Variants in PSMD3 observed in about 807,000 individuals in gnomAD.
PSMD3 encodes proteasome 26S subunit, non-ATPase 3.
Under a neutral mutation model 62.8 loss-of-function variants are expected in PSMD3, and 5 were observed. That is an observed-to-expected ratio of 0.08 (90% confidence interval 0.04 to 0.17). The LOEUF is 0.17. PSMD3 is among the 10% of genes least tolerant of loss of function. The pLI is 1.00. For missense variants in PSMD3, 524 were observed against 713.6 expected (o/e 0.73, Z 3.03); for synonymous variants, 265 against 283.9 (o/e 0.93, Z 0.67).
chr17:39,980,998 C>T lies in PSMD3; in HGVS notation c.28C>T (p.Arg10Cys). 6.5e-7 allele frequency: 1 copy of T among 1,547,798 alleles called. No individual in the cohort carries two copies. Among genetic ancestry groups the T allele is most frequent in the African/African-American group, 1.4e-5 (1 of 73,224 alleles). MKQEGSARR[R>C]GADKAKPPPG... is the part of the protein sequence containing the mutation. ...GAAGCAGGAGGGCTCGGCGCGGCGCCGCGGCGCGGACAAGGCGAAACCGCC... is the reference window on the plus strand; with the variant it reads ...GAAGCAGGAGGGCTCGGCGCGGCGCTGCGGCGCGGACAAGGCGAAACCGCC... The change falls in exon 1 of 12, where the codon CGC becomes TGC. Residue 10 changes from arginine to cysteine, a missense_variant. Physicochemically the swap from Arg to Cys is radical, Grantham distance 180. Transcript: ENST00000264639.
intron 4 of PSMD3, 92 bp from the exon 5 acceptor site, chr17:39,989,647 C>G: frequency 2.4e-6 from 3 of 1,276,286 alleles, no homozygotes; most frequent in Non-Finnish European, 3.2e-6. Context: ...ATTTGTATAA[C>G]TTTTTTAAGG....
intron 1 of PSMD3, among the ~76,000 whole-genome samples, chr17:39,984,075 C>T (rs922222422): frequency 6.6e-6 from 1 of 152,004 alleles, no homozygotes; most frequent in Admixed American, 6.6e-5. Context: ...TGGCGGGTGC[C>T]TGTAGTCCCA....
intron 1 of PSMD3, among the ~76,000 whole-genome samples, chr17:39,981,653 C>T (rs1001434902): frequency 6.6e-5 from 10 of 152,160 alleles, no homozygotes; most frequent in African/African-American, 1.7e-4. Context: ...TCCTAGCTGC[C>T]TTTAGCACAC....
rs147193976 is a variant in PSMD3 at position 39,984,060 on chromosome 17, C to T, written c.221-234C>T. Among the ~76,000 whole-genome samples the T allele has an allele frequency of 0.012, 1,758 of 152,084 alleles. 106 individuals are homozygous for T. In the East Asian group the frequency reaches 0.18, roughly 16 times the overall value. ...TAAAAATACAAAAAATTTAGCCAGG[C>T]GTGGTGGCGGGTGCCTGTAGTCCCA... On this transcript the variant is annotated intron_variant, in intron 1 of 11. Coordinates refer to ENST00000264639, the MANE Select transcript of PSMD3 (RefSeq NM_002809.4).
Position 39,980,960 on chromosome 17 carries a change from C to T in PSMD3, c.-11C>T, listed in dbSNP as rs11539652. ...CCTCGGTCCCCGGACTAGGCCGTGA[C>T]CCCGGGTGCCATGAAGCAGGAGGGC... On this transcript the variant is annotated 5_prime_UTR_variant, in exon 1 of 12. Coordinates refer to ENST00000264639, the MANE Select transcript of PSMD3 (RefSeq NM_002809.4). The T allele has an allele frequency of 4.6e-3, 7,014 of 1,524,592 alleles. 288 individuals are homozygous for T. In the African/African-American group the frequency reaches 0.083, roughly 18 times the overall value. The allele number at this position is 1,524,592 out of a possible 1,614,324, so 94.4% of individuals were successfully genotyped here. A position where few individuals can be genotyped will look rare whatever the true frequency, so the allele number is the denominator to read the frequency against.
intron 1 of PSMD3, among the ~76,000 whole-genome samples, chr17:39,983,063 C>T (rs1201887664): frequency 1.3e-5 from 2 of 151,038 alleles, no homozygotes; most frequent in East Asian, 1.9e-4. Flanking sequence ...GACGGAGTCT[C>T]GCTCTGTTGC....
Position 39,990,162 on chromosome 17 carries a change from G to T in PSMD3, c.946G>T (p.Ala316Ser). ...RRTMTNALRK[A>S]PQHTAVGFKQ... ...AACGATGACCAACGCCCTTCGCAAG[G>T]CCCCTCAGCACACAGCTGTCGGCTT... Residue 316 changes from alanine to serine, a missense_variant, in exon 6 of 12, where the codon GCC becomes TCC. By Grantham distance (99) the Ala-to-Ser change is moderately conservative. Around this residue, in one of 4 missense-constraint regions of PSMD3, gnomAD observed 396 missense variants for 475.8 expected, o/e 0.83. Coordinates refer to ENST00000264639, the MANE Select transcript of PSMD3 (RefSeq NM_002809.4). 1 of 1,613,258 alleles carries T rather than the reference G, an allele frequency of 6.2e-7. No individual in the cohort carries two copies. The highest frequency in any genetic ancestry group is 8.5e-7 in the Non-Finnish European group (1 of 1,179,938).
At position 39,986,657 on chromosome 17, in the gene PSMD3, C is replaced by T; in HGVS notation, c.494C>T (p.Ala165Val). The change falls in exon 3 of 12, where the codon GCC becomes GTC. Residue 165 changes from alanine to valine, a missense_variant. Ala to Val is a moderately conservative substitution (Grantham distance 64). Transcript: ENST00000264639. Reference sequence around the variant, plus strand: ...ACACCCCTCCTGCCTGAAGTGGAAGCCTATCTCCAACTCCTCGTGGTCATC... The same window carrying T: ...ACACCCCTCCTGCCTGAAGTGGAAGTCTATCTCCAACTCCTCGTGGTCATC... ...ASTPLLPEVE[A>V]YLQLLVVIFM... is the part of the protein sequence containing the mutation. The T allele has an allele frequency of 6.2e-7, 1 of 1,614,154 alleles. No individual in the cohort carries two copies. The highest frequency in any genetic ancestry group is 1.1e-5 in the South Asian group (1 of 91,090).
chr17:39,984,199 CAA>C (rs34306234), intron 1 of PSMD3, 93 bp from the exon 2 acceptor site: 17,600 of 310,826 alleles, frequency 0.057, no homozygotes, highest in East Asian at 0.084. Flanking sequence ...GACTCCGTCT[CAA>C]AAAAAAAAAA....
intron 1 of PSMD3, among the ~76,000 whole-genome samples, chr17:39,982,553 A>G (rs1040453272): frequency 2.0e-5 from 3 of 152,260 alleles, no homozygotes; most frequent in Non-Finnish European, 2.9e-5. Flanking sequence ...ACATTTATTG[A>G]ATACCCAATA....
chr17:39,997,441 G>A (rs769480972), intron 11 of PSMD3, 61 bp downstream of exon 11: 17 of 1,554,580 alleles, frequency 1.1e-5, no homozygotes, highest in East Asian at 7.0e-5. Flanking sequence ...AAGGGGAGTC[G>A]GGCGAGTGTC....
Position 39,980,819 on chromosome 17 carries a change from G to T in PSMD3, c.-152G>T, listed in dbSNP as rs1481065802. The T allele has an allele frequency of 1.5e-6, 1 of 688,970 alleles. No individual in the cohort carries two copies. The highest frequency in any genetic ancestry group is 2.3e-6 in the Non-Finnish European group (1 of 439,248). 42.7% of individuals were successfully genotyped at this position (688,970 alleles called of 1,614,324 possible). A position where few individuals can be genotyped will look rare whatever the true frequency, so the allele number is the denominator to read the frequency against. On this transcript the variant is annotated 5_prime_UTR_variant, in exon 1 of 12. Transcript: ENST00000264639. ...CCTGGCGTTTCCCAGAAGGCCCAGC[G>T]CCGGGAAGGGGTTTGCAGCTGCTCC...
intron 4 of PSMD3, 58 bp downstream of exon 4, chr17:39,988,877 C>A: frequency 6.3e-7 from 1 of 1,588,596 alleles, no homozygotes; most frequent in Non-Finnish European, 8.6e-7. Flanking sequence ...TGGTCAGTCA[C>A]AAGCACACAG....
intron 3 of PSMD3, among the ~76,000 whole-genome samples, chr17:39,986,965 T>TG (rs1367138279): frequency 1.3e-5 from 2 of 152,122 alleles, no homozygotes; most frequent in Non-Finnish European, 2.9e-5. Context: ...AGTACATTCT[T>TG]GGGGAAAAGT....
chr17:39,984,247 G>T, intron 1 of PSMD3, 47 bp from the exon 2 acceptor site: 2 of 1,380,226 alleles, frequency 1.4e-6, no homozygotes, highest in Non-Finnish European at 1.0e-6. Flanking sequence ...GAGTGGTGGG[G>T]GACTAGGAGT....
chr17:39,990,227 C>CACT, intron 6 of PSMD3, 30 bp downstream of exon 6: 29 of 1,381,292 alleles, frequency 2.1e-5, no homozygotes, highest in African/African-American at 3.6e-5. Flanking sequence ...ATCCCTTTGC[C>CACT]TCTTTTTTTT....
At chr17:39,985,185 A>AC (rs1296360033) in intron 2 of PSMD3, among the ~76,000 whole-genome samples, 1 of 152,104 alleles carries the variant, frequency 6.6e-6, no homozygotes, top group Non-Finnish European at 1.5e-5. Flanking sequence ...CCAAGATTGC[A>AC]CCACTGCACT....
chr17:39,985,216 A>AC (rs1263715183), intron 2 of PSMD3, among the ~76,000 whole-genome samples: 4 of 151,768 alleles, frequency 2.6e-5, no homozygotes, highest in Non-Finnish European at 5.9e-5. Context: ...TGACAGGGTG[A>AC]CCCCCCTACC....
In PSMD3 at chr17:39,996,045, G is replaced by A. The variant is rs562896602; in HGVS notation, c.1321-138G>A. 76 of 1,019,088 alleles carry A rather than the reference G, an allele frequency of 7.5e-5. No homozygotes were observed. Among genetic ancestry groups the A allele is most frequent in the Non-Finnish European group, 9.4e-5 (64 of 678,386 alleles). 63.1% of individuals were successfully genotyped at this position (1,019,088 alleles called of 1,614,324 possible). A position where few individuals can be genotyped will look rare whatever the true frequency, so the allele number is the denominator to read the frequency against. On this transcript the variant is annotated intron_variant, in intron 9 of 11. Transcript: ENST00000264639. This position sits in a 1 kb window ranked among gnomAD's most constrained non-coding sequence, Gnocchi z 5.1. ...GAGGCAGGAGAATCGCTTGAACCCG[G>A]GAGGTAAAGGTTGCAGTGAGCTGAG...
Sources: allele counts gnomAD v4.1 joint callset (sites outside exome capture counted in the v4.1 genomes callset), GRCh38; gene constraint gnomAD v4.1.1; regional missense constraint gnomAD v4.1.1; non-coding constraint Gnocchi (gnomAD v3.1); transcripts MANE v1.5; gene names NCBI Gene and HGNC (gene_info 2026-07-23, HGNC 2026-07-21).